LY86: variants seen among roughly 807,000 people sequenced by gnomAD.
LY86 encodes MD-1, RP105-associated.
LY86 carries 20 observed loss-of-function variants against 17.3 expected under a neutral mutation model. That is an observed-to-expected ratio of 1.15 (90% CI 0.81 to 1.68). The LOEUF (loss-of-function observed/expected upper bound fraction) is 1.68, where lower values mean the gene tolerates loss of function less well. Among genes scored for constraint, LY86 ranks in the 40% most tolerant of loss-of-function variants. LY86 has a pLI of 0.00. For missense variants in LY86, 200 were observed against 191.9 expected (o/e 1.04, Z -0.25); for synonymous variants, 74 against 70.6 (o/e 1.05, Z -0.24).
At chr6:6,637,976 C>T (rs890951306) in intron 3 of LY86, among the ~76,000 whole-genome samples, 2 of 152,172 alleles carry the variant, frequency 1.3e-5, no homozygotes, top group Non-Finnish European at 2.9e-5. Flanking sequence ...TTTTGTTTTG[C>T]TGCTGGAAGT....
At chr6:6,625,122 T>G (rs906072124) in intron 2 of LY86, 110 bp downstream of exon 2, 3 of 550,326 alleles carry the variant, frequency 5.5e-6, no homozygotes, top group Non-Finnish European at 9.6e-6. Flanking sequence ...TACTGTTCCC[T>G]CACCACTCTC....
chr6:6,621,727 T>A (rs1358592445), intron 1 of LY86, among the ~76,000 whole-genome samples: 1 of 152,204 alleles, frequency 6.6e-6, no homozygotes, highest in Non-Finnish European at 1.5e-5. Context: ...TTTAAGGTTC[T>A]CGGCAAATTT....
In LY86 at chr6:6,588,733, C is replaced by T. The variant is rs142081955; in HGVS notation, c.-2C>T. 426 of 1,613,968 alleles carry T rather than the reference C, an allele frequency of 2.6e-4. 1 individual carries two copies. The African/African-American group carries it at 5.1e-3, about 19-fold the overall frequency. ...TCTGTGTGTCCCATACAGGCCCCCA[C>T]CATGAAGGGTTTCACAGCCACTCTC... is the stretch of plus-strand genomic sequence containing the variant. On this transcript the variant is annotated 5_prime_UTR_variant, in exon 1 of 5. Coordinates refer to ENST00000230568, the MANE Select transcript of LY86 (RefSeq NM_004271.4).
chr6:6,635,776 C>T (rs1036203877), intron 3 of LY86, among the ~76,000 whole-genome samples: 6 of 152,164 alleles, frequency 3.9e-5, no homozygotes, highest in African/African-American at 1.4e-4. Flanking sequence ...TGCCTTGGCT[C>T]CTCTTCTCGT....
At chr6:6,604,122 T>C (rs1215341780) in intron 1 of LY86, among the ~76,000 whole-genome samples, 1 of 152,080 alleles carries the variant, frequency 6.6e-6, no homozygotes, top group Non-Finnish European at 1.5e-5. Context: ...CAGAAGGAAA[T>C]ATTAATTATC....
Position 6,608,622 on chromosome 6 carries a change from C to A in LY86, c.137-16304C>A, listed in dbSNP as rs1420450805. Among the ~76,000 whole-genome samples the A allele has an allele frequency of 2.6e-5, 4 of 152,182 alleles. No homozygotes were observed. The East Asian group carries it at 7.7e-4, about 29-fold the overall frequency. On this transcript the variant is annotated intron_variant, in intron 1 of 4. Transcript: ENST00000230568. ...ATTGCTCTAGTTGTATCAGTTTTGT[C>A]CAGTAATGTTTCCATGCACACTAAC...
chr6:6,620,587 T>C (rs1263579975), intron 1 of LY86, among the ~76,000 whole-genome samples: 1 of 152,222 alleles, frequency 6.6e-6, no homozygotes, highest in Non-Finnish European at 1.5e-5. Flanking sequence ...GGAATTTCAC[T>C]TCCAGAGTCT....
At chr6:6,623,184 G>A (rs1339308307) in intron 1 of LY86, among the ~76,000 whole-genome samples, 1 of 152,196 alleles carries the variant, frequency 6.6e-6, no homozygotes, top group Non-Finnish European at 1.5e-5. Context: ...AGAACCAAAA[G>A]AGCAAAGAAA....
chr6:6,622,357 A>G (rs183753416), intron 1 of LY86, among the ~76,000 whole-genome samples: 1 of 152,338 alleles, frequency 6.6e-6, no homozygotes, highest in East Asian at 1.9e-4. Context: ...TTTTGCCTGG[A>G]TAGCAACTTA....
chr6:6,606,138 T>G (rs900041258), intron 1 of LY86, among the ~76,000 whole-genome samples: 8 of 151,896 alleles, frequency 5.3e-5, no homozygotes, highest in Non-Finnish European at 1.0e-4. Flanking sequence ...GAAGGCCGAG[T>G]GGTCCATTTT....
At chr6:6,625,297 A>C (rs1761766673) in intron 2 of LY86, among the ~76,000 whole-genome samples, 1 of 152,194 alleles carries the variant, frequency 6.6e-6, no homozygotes, top group Non-Finnish European at 1.5e-5. Flanking sequence ...AAAAAAAAGG[A>C]AAATATTTTG....
intron 3 of LY86, among the ~76,000 whole-genome samples, chr6:6,637,007 T>TG (rs1311172729): frequency 4.9e-4 from 71 of 146,066 alleles, no homozygotes; most frequent in Middle Eastern, 7.0e-3. Flanking sequence ...CATATTGGTT[T>TG]TTTTTTTTTT....
intron 1 of LY86, among the ~76,000 whole-genome samples, chr6:6,608,306 G>C (rs796470636): frequency 9.2e-5 from 14 of 152,326 alleles, no homozygotes; most frequent in African/African-American, 3.4e-4. Flanking sequence ...AGTTGAATTA[G>C]CAATTTATTT....
In LY86 at chr6:6,593,487, T is replaced by C. The variant is rs144510571; in HGVS notation, c.136+4617T>C. ...TTGGGGACCATTATTTAGCCTAATG[T>C]CATAGGGAGAATATATTACCTACGC... On this transcript the variant is annotated intron_variant, in intron 1 of 4. Transcript: ENST00000230568. 5.8e-4 allele frequency among the ~76,000 whole-genome samples: 89 copies of C among 152,362 alleles called. 2 individuals are homozygous for C. In the East Asian group the frequency reaches 0.013, roughly 23 times the overall value.
intron 1 of LY86, among the ~76,000 whole-genome samples, chr6:6,609,499 T>C (rs997155911): frequency 6.6e-6 from 1 of 152,172 alleles, no homozygotes; most frequent in Non-Finnish European, 1.5e-5. Context: ...TGCACTTCCT[T>C]ACACACTTTC....
chr6:6,615,032 T>C (rs1761520658), intron 1 of LY86, among the ~76,000 whole-genome samples: 1 of 152,220 alleles, frequency 6.6e-6, no homozygotes, highest in African/African-American at 2.4e-5. Flanking sequence ...GGAGATTTCT[T>C]AGGACATCTA....
chr6:6,612,231 G>C (rs916401069), intron 1 of LY86, among the ~76,000 whole-genome samples: 2 of 152,114 alleles, frequency 1.3e-5, no homozygotes, highest in African/African-American at 4.8e-5. Flanking sequence ...TCTTCAAGAG[G>C]GCGTGTCCAG....
intron 1 of LY86, among the ~76,000 whole-genome samples, chr6:6,605,853 A>G (rs1761112225): frequency 6.6e-6 from 1 of 151,636 alleles, no homozygotes; most frequent in Admixed American, 6.6e-5. Context: ...ACAGCTCTTA[A>G]GGGGGCATCT....
chr6:6,636,384 G>A (rs969065326), intron 3 of LY86, among the ~76,000 whole-genome samples: 1 of 152,196 alleles, frequency 6.6e-6, no homozygotes, highest in African/African-American at 2.4e-5. Flanking sequence ...CCCATAGAAT[G>A]GCGTTCTGCA....
Sources: allele counts gnomAD v4.1 joint callset (sites outside exome capture counted in the v4.1 genomes callset), GRCh38; gene constraint gnomAD v4.1.1; transcripts MANE v1.5; gene names NCBI Gene and HGNC (gene_info 2026-07-23, HGNC 2026-07-21).